The following MED21 variants were observed in gnomAD, a reference collection of about 807,000 sequenced individuals.
MED21 encodes mediator of RNA polymerase II transcription subunit 21.
MED21 carries 9 observed loss-of-function variants against 18.2 expected under a neutral mutation model. The observed-to-expected ratio is 0.49, with a 90% CI of 0.30 to 0.86. The LOEUF is 0.86. MED21 is among the 40% of genes least tolerant of loss of function. The pLI, the probability that MED21 is intolerant of heterozygous loss-of-function variation, is 0.07. For synonymous variants in MED21, 73 were observed against 60.5 expected, an observed-to-expected ratio of 1.21 and a Z score of -0.96; for missense variants, 150 against 170.9, an observed-to-expected ratio of 0.88 and a Z score of 0.68.
At chr12:27,026,962 T>C (rs1297696117) in intron 2 of MED21, among the ~76,000 whole-genome samples, 1 of 152,172 alleles carries the variant, frequency 6.6e-6, no homozygotes, top group Non-Finnish European at 1.5e-5. Context: ...GGAGTCTCGC[T>C]CTGTCACCTA....
At chr12:27,034,078 A>G (rs986650778), downstream of MED21, among the ~76,000 whole-genome samples, 7 of 152,224 alleles carry the variant, frequency 4.6e-5, no homozygotes, top group Non-Finnish European at 1.0e-4. Flanking sequence ...TAAAATTTAA[A>G]TGGTCCTTTA....
chr12:27,028,210 GAT>G, intron 3 of MED21, 73 bp from the exon 4 acceptor site: 1 of 1,447,622 alleles, frequency 6.9e-7, no homozygotes, highest in East Asian at 2.3e-5. Context: ...AAGTCATCCA[GAT>G]TTAAAAATAA....
Position 27,026,991 on chromosome 12 carries a change from C to T in MED21, c.158-356C>T, listed in dbSNP as rs568983090. ...TCACCTAGGCTGGAGTGCAGTGATGCAATCTTGGCTCACTGCAACTTTCGC... is the reference window on the plus strand; with the variant it reads ...TCACCTAGGCTGGAGTGCAGTGATGTAATCTTGGCTCACTGCAACTTTCGC... On this transcript the variant is annotated intron_variant, in intron 2 of 3. Coordinates refer to ENST00000282892, the MANE Select transcript of MED21 (RefSeq NM_004264.5). Among the ~76,000 whole-genome samples, 229 of 152,080 alleles carry T rather than the reference C, an allele frequency of 1.5e-3. 1 individual carries two copies. Among genetic ancestry groups the T allele is most frequent in the African/African-American group, 4.8e-3 (201 of 41,466 alleles).
chr12:27,032,457 A>G (rs893722327), downstream of MED21, among the ~76,000 whole-genome samples: 6 of 152,372 alleles, frequency 3.9e-5, no homozygotes, highest in African/African-American at 1.4e-4. Context: ...AATGCCAGCA[A>G]GAATAGTCCC....
chr12:27,032,356 G>T (rs1407617836), downstream of MED21, among the ~76,000 whole-genome samples: 1 of 152,180 alleles, frequency 6.6e-6, no homozygotes, highest in Non-Finnish European at 1.5e-5. Flanking sequence ...AGACCCTTCA[G>T]GTTGGCTTGA....
chr12:27,022,819 G>A, intron 1 of MED21, 198 bp downstream of exon 1: 1 of 1,502,640 alleles, frequency 6.7e-7, no homozygotes, highest in African/African-American at 1.4e-5. Context: ...TGAAGGTGCG[G>A]GAGGGAGCAG....
chr12:27,028,715 TGAAC>T lies in MED21; in HGVS notation c.*255_*258del. ...ATTATTAAGGCATGTAATACATTAA[TGAAC>T]ATAATATAAGGAAACATATGTAAAA... On this transcript the variant is annotated 3_prime_UTR_variant, in exon 4 of 4. Transcript: ENST00000282892. 1 of 1,131,520 alleles carries T rather than the reference TGAAC, an allele frequency of 8.8e-7. No individual in the cohort carries two copies. Among genetic ancestry groups the T allele is most frequent in the East Asian group, 4.4e-5 (1 of 22,766 alleles). The allele number at this position is 1,131,520 out of a possible 1,614,324, so 70.1% of individuals were successfully genotyped here. A position where few individuals can be genotyped will look rare whatever the true frequency, so the allele number is the denominator to read the frequency against.
At chr12:27,031,061 C>T (rs1941615269), downstream of MED21, among the ~76,000 whole-genome samples, 1 of 152,210 alleles carries the variant, frequency 6.6e-6, no homozygotes, top group African/African-American at 2.4e-5. Flanking sequence ...GCAGGCACCA[C>T]CATGCCTGGC....
intron 1 of MED21, among the ~76,000 whole-genome samples, chr12:27,023,988 A>G (rs1941511799): frequency 6.6e-6 from 1 of 152,308 alleles, no homozygotes; most frequent in African/African-American, 2.4e-5. Flanking sequence ...CACAAGCACT[A>G]AGGAACGCAT....
intron 2 of MED21, chr12:27,038,750 T>C (rs1006917255): frequency 1.1e-4 from 16 of 152,186 alleles, no homozygotes; most frequent in Non-Finnish European, 1.9e-4. Flanking sequence ...GCTAGAATAA[T>C]TGGTTTCTAT....
rs8628 is a variant in MED21, at chr12:27,028,580, T to G, written c.*119T>G. ...AGAAACATTAAACACTATGACACAT[T>G]ACCTTTTTAGCTATTTTTAATAGTC... On this transcript the variant is annotated 3_prime_UTR_variant, in exon 4 of 4. Transcript: ENST00000282892. 0.3 allele frequency: 410,001 copies of G among 1,367,310 alleles called. 66,791 individuals carry two copies. Among genetic ancestry groups the G allele is most frequent in the Non-Finnish European group, 0.34 (357,177 of 1,054,178 alleles). 84.7% of individuals were successfully genotyped at this position (1,367,310 alleles called of 1,614,324 possible). A position where few individuals can be genotyped will look rare whatever the true frequency, so the allele number is the denominator to read the frequency against.
intron 2 of MED21, chr12:27,037,394 A>T (rs959472077): frequency 1.3e-5 from 2 of 151,994 alleles, no homozygotes; most frequent in Non-Finnish European, 2.9e-5. Flanking sequence ...AAACAGGGAC[A>T]ATTTGACTTC....
chr12:27,027,322 C>T (rs765339348), intron 2 of MED21, 25 bp from the exon 3 acceptor site: 1 of 1,537,256 alleles, frequency 6.5e-7, no homozygotes, highest in Non-Finnish European at 8.9e-7. Context: ...TTCTAATATC[C>T]TAATCTAGCA....
downstream of MED21, among the ~76,000 whole-genome samples, chr12:27,033,389 C>A (rs1941631779): frequency 6.6e-6 from 1 of 152,086 alleles, no homozygotes; most frequent in African/African-American, 2.4e-5. Flanking sequence ...ACCTTCTTGA[C>A]CTAGTCATTT....
chr12:27,030,302 T>C lies in MED21; in HGVS notation c.*1841T>C, dbSNP rs926645479. On this transcript the variant is annotated 3_prime_UTR_variant, in exon 4 of 4. Coordinates refer to ENST00000282892, the MANE Select transcript of MED21 (RefSeq NM_004264.5). ...GTACTACCACGTCCAGCTAATTTTT[T>C]TTTTCTTTTTTTTTTAGAGATGGGG... The C allele has an allele frequency of 2.0e-6, 1 of 494,006 alleles. No individual in the cohort carries two copies. Among genetic ancestry groups the C allele is most frequent in the East Asian group, 3.0e-5 (1 of 33,158 alleles). The allele number at this position is 494,006 out of a possible 1,614,324, so 30.6% of individuals were successfully genotyped here.
At position 27,028,575 on chromosome 12, in the gene MED21, C is replaced by A; in HGVS notation, c.*114C>A. 3 of 1,395,488 alleles carry A rather than the reference C, an allele frequency of 2.1e-6. No homozygotes were observed. The highest frequency in any genetic ancestry group is 2.8e-6 in the Non-Finnish European group (3 of 1,070,000). 86.4% of individuals were successfully genotyped at this position (1,395,488 alleles called of 1,614,324 possible). On this transcript the variant is annotated 3_prime_UTR_variant, in exon 4 of 4. Coordinates refer to ENST00000282892, the MANE Select transcript of MED21 (RefSeq NM_004264.5). ...ATTACAGAAACATTAAACACTATGACACATTACCTTTTTAGCTATTTTTAA... is the reference window on the plus strand; with the variant it reads ...ATTACAGAAACATTAAACACTATGAAACATTACCTTTTTAGCTATTTTTAA...
chr12:27,026,909 G>T (rs1337928873), intron 2 of MED21, among the ~76,000 whole-genome samples: 4 of 152,044 alleles, frequency 2.6e-5, no homozygotes, highest in Non-Finnish European at 5.9e-5. Flanking sequence ...AACAGGATTG[G>T]TGTATATTTT....
At chr12:27,037,165 A>G in intron 2 of MED21, 1 of 150,462 alleles carries the variant, frequency 6.6e-6, no homozygotes, top group African/African-American at 2.4e-5. Context: ...CGTCCCTTGT[A>G]AGTTGGATTC....
intron 2 of MED21, chr12:27,037,714 CAT>C (rs1217300064): frequency 4.0e-5 from 6 of 151,686 alleles, no homozygotes; most frequent in Non-Finnish European, 7.4e-5. Flanking sequence ...TTTAAAAAAA[CAT>C]ATTACAAATT....
Sources: gnomAD v4.1 joint callset for allele counts (sites outside exome capture counted in the v4.1 genomes callset) on GRCh38, gnomAD v4.1.1 for gene constraint, MANE v1.5 for transcripts, NCBI Gene and HGNC (gene_info 2026-07-23, HGNC 2026-07-21) for gene names.